PPM1L: variants seen among roughly 807,000 people sequenced by gnomAD.
PPM1L encodes the protein protein phosphatase 1L.
In PPM1L, 13 loss-of-function variants were observed where a neutral mutation model predicts 31.4. That is an observed-to-expected ratio of 0.41 (90% CI 0.27 to 0.66). The LOEUF is 0.66. PPM1L is among the 30% of genes least tolerant of loss of function. The pLI is 0.29. For missense variants in PPM1L, 326 were observed against 453.7 expected, an observed-to-expected ratio of 0.72 and a Z score of 2.56; for synonymous variants, 184 against 175.4, an observed-to-expected ratio of 1.05 and a Z score of -0.39.
At chr3:160,809,577 A>G (rs1277933411) in intron 1 of PPM1L, among the ~76,000 whole-genome samples, 1 of 152,008 alleles carries the variant, frequency 6.6e-6, no homozygotes, top group Non-Finnish European at 1.5e-5. Flanking sequence ...TTGTGCCCTG[A>G]CTTCTAGCTT....
At chr3:160,944,781 T>C (rs1328973608) in intron 1 of PPM1L, among the ~76,000 whole-genome samples, 2 of 65,338 alleles carry the variant, frequency 3.1e-5, no homozygotes, top group African/African-American at 8.8e-5. Flanking sequence ...TTATATATTA[T>C]ATTATATATG....
At chr3:161,057,876 G>C (rs1040217550) in intron 2 of PPM1L, among the ~76,000 whole-genome samples, 2 of 151,578 alleles carry the variant, frequency 1.3e-5, no homozygotes, top group Admixed American at 1.3e-4. Context: ...TAGAACCCAG[G>C]TTCCCATCAA....
At chr3:161,045,068 C>T (rs1367520026) in intron 2 of PPM1L, among the ~76,000 whole-genome samples, 4 of 152,182 alleles carry the variant, frequency 2.6e-5, no homozygotes, top group Non-Finnish European at 5.9e-5. Context: ...ACAGGAAGAG[C>T]TAAATATCCT....
chr3:160,808,631 C>T (rs570310546), intron 1 of PPM1L, among the ~76,000 whole-genome samples: 1 of 152,178 alleles, frequency 6.6e-6, no homozygotes, highest in Non-Finnish European at 1.5e-5. Flanking sequence ...AAGAGCCAGA[C>T]TCAAAGCTCT....
intron 1 of PPM1L, among the ~76,000 whole-genome samples, chr3:160,957,367 C>T (rs943787145): frequency 2.6e-5 from 4 of 152,084 alleles, no homozygotes; most frequent in South Asian, 2.1e-4. Flanking sequence ...TGAGCATATG[C>T]GAGCATGTGT....
chr3:161,005,391 T>G (rs1267689309), intron 2 of PPM1L, among the ~76,000 whole-genome samples: 1 of 152,204 alleles, frequency 6.6e-6, no homozygotes, highest in African/African-American at 2.4e-5. Flanking sequence ...AATGATGCAA[T>G]TAACTATGAT....
At chr3:160,830,891 GCTTT>G (rs1284351341) in intron 1 of PPM1L, among the ~76,000 whole-genome samples, 2 of 152,160 alleles carry the variant, frequency 1.3e-5, no homozygotes, top group African/African-American at 4.8e-5. Flanking sequence ...ATTTAAAGCA[GCTTT>G]CTAATTGTCC....
At chr3:160,996,696 C>T (rs948663200) in intron 2 of PPM1L, among the ~76,000 whole-genome samples, 1 of 152,096 alleles carries the variant, frequency 6.6e-6, no homozygotes, top group Non-Finnish European at 1.5e-5. Flanking sequence ...GTGTACACTG[C>T]TCTGGTGATG....
At chr3:160,927,162 T>G (rs539224801) in intron 1 of PPM1L, among the ~76,000 whole-genome samples, 1 of 152,172 alleles carries the variant, frequency 6.6e-6, no homozygotes, top group Non-Finnish European at 1.5e-5. Context: ...GACTTAAAGA[T>G]AGAAAACCCT....
chr3:161,029,661 C>G (rs1288342282), intron 2 of PPM1L, among the ~76,000 whole-genome samples: 1 of 151,878 alleles, frequency 6.6e-6, no homozygotes, highest in African/African-American at 2.4e-5. Context: ...TTTTTCTTGA[C>G]TTTGCTGTTT....
intron 1 of PPM1L, among the ~76,000 whole-genome samples, chr3:160,802,640 G>A (rs147642070): frequency 3.3e-5 from 5 of 152,186 alleles, no homozygotes; most frequent in East Asian, 3.9e-4. Flanking sequence ...ACACATATTC[G>A]TAGTTTATTT....
chr3:160,874,901 C>G (rs903368115), intron 1 of PPM1L, among the ~76,000 whole-genome samples: 3 of 152,096 alleles, frequency 2.0e-5, no homozygotes, highest in Non-Finnish European at 4.4e-5. Flanking sequence ...TTGAGTTTTC[C>G]CAGTGTAGGC....
In PPM1L at chr3:160,923,174, G is replaced by A. The variant is rs114399167; in HGVS notation, c.400-38562G>A. On this transcript the variant is annotated intron_variant, in intron 1 of 3. Coordinates refer to ENST00000498165, the MANE Select transcript of PPM1L (RefSeq NM_139245.4). ...TATTTATTCCCTATTCACTGATGAG[G>A]TTTATTTTTAAATGAAACTACTCTA... is the stretch of plus-strand genomic sequence containing the variant. Among the ~76,000 whole-genome samples, 623 of 152,166 alleles carry A rather than the reference G, an allele frequency of 4.1e-3. 5 individuals carry two copies. Among genetic ancestry groups the A allele is most frequent in the Non-Finnish European group, 7.2e-3 (489 of 67,996 alleles).
intron 1 of PPM1L, among the ~76,000 whole-genome samples, chr3:160,789,867 C>T (rs1312706536): frequency 2.0e-5 from 3 of 151,982 alleles, no homozygotes; most frequent in South Asian, 2.1e-4. Context: ...CAGGAGACCC[C>T]TCCCCACTGT....
chr3:160,792,833 G>A (rs1712142254), intron 1 of PPM1L, among the ~76,000 whole-genome samples: 1 of 152,198 alleles, frequency 6.6e-6, no homozygotes, highest in South Asian at 2.1e-4. Context: ...GTTACATAGG[G>A]TGAGGTCAGG....
intron 2 of PPM1L, among the ~76,000 whole-genome samples, chr3:161,051,655 ATAAT>A (rs1719284192): frequency 1.3e-5 from 2 of 152,172 alleles, no homozygotes; most frequent in African/African-American, 4.8e-5. Flanking sequence ...AACAAGCTAG[ATAAT>A]TAATAATATT....
intron 2 of PPM1L, among the ~76,000 whole-genome samples, chr3:160,988,220 C>T (rs185417290): frequency 9.2e-5 from 14 of 152,164 alleles, no homozygotes; most frequent in Admixed American, 2.6e-4. Context: ...AAGAGCATGA[C>T]GTTTACGTTA....
At chr3:160,978,897 GT>G (rs1252184254) in intron 2 of PPM1L, among the ~76,000 whole-genome samples, 1 of 151,828 alleles carries the variant, frequency 6.6e-6, no homozygotes, top group Non-Finnish European at 1.5e-5. Context: ...TATTATTCAT[GT>G]TTTTTTAAAG....
intron 1 of PPM1L, among the ~76,000 whole-genome samples, chr3:160,768,559 A>G (rs1368694834): frequency 1.3e-5 from 2 of 152,210 alleles, no homozygotes; most frequent in Non-Finnish European, 2.9e-5. Context: ...TGTAATTTCT[A>G]CTAAAGACAG....
Sources: gnomAD v4.1 joint callset for allele counts (sites outside exome capture counted in the v4.1 genomes callset) on GRCh38, gnomAD v4.1.1 for gene constraint, MANE v1.5 for transcripts, NCBI Gene and HGNC (gene_info 2026-07-23, HGNC 2026-07-21) for gene names.